The following SUCLG2 variants were observed in gnomAD, a reference collection of about 807,000 sequenced individuals.
SUCLG2 encodes succinate--CoA ligase [GDP-forming] subunit beta, mitochondrial.
In SUCLG2, 42 loss-of-function variants were observed where a neutral mutation model predicts 47.9. The ratio of observed to expected loss-of-function variants is 0.88; its 90% confidence interval spans 0.69 to 1.14. The LOEUF is 1.14. Ranked by LOEUF, SUCLG2 falls within the 50% of genes most tolerant of loss-of-function variation. SUCLG2 has a pLI of 0.00. For missense variants in SUCLG2, 571 were observed against 525.9 expected (o/e 1.09, Z -0.84); for synonymous variants, 195 against 197.3 (o/e 0.99, Z 0.10).
chr3:67,478,616 C>A (rs1056535996), intron 9 of SUCLG2, among the ~76,000 whole-genome samples: 1 of 152,182 alleles, frequency 6.6e-6, no homozygotes, highest in Non-Finnish European at 1.5e-5. Flanking sequence ...TAGTATCATA[C>A]GTCAAAGTTG....
intron 9 of SUCLG2, among the ~76,000 whole-genome samples, chr3:67,415,894 G>T (rs1254202181): frequency 6.6e-6 from 1 of 152,186 alleles, no homozygotes; most frequent in Non-Finnish European, 1.5e-5. Flanking sequence ...TTGAGACCAG[G>T]TTATGAAGGG....
intron 2 of SUCLG2, among the ~76,000 whole-genome samples, chr3:67,604,519 A>G (rs13322180): frequency 6.6e-6 from 1 of 152,212 alleles, no homozygotes; most frequent in South Asian, 2.1e-4. Context: ...ATGTTTTTTA[A>G]CTTTATCTTG....
chr3:67,532,364 G>A (rs1706426382), intron 2 of SUCLG2, among the ~76,000 whole-genome samples: 1 of 152,124 alleles, frequency 6.6e-6, no homozygotes, highest in South Asian at 2.1e-4. Context: ...TCAAACTCCT[G>A]AGCTCAGGCA....
intron 10 of SUCLG2, among the ~76,000 whole-genome samples, chr3:67,391,880 C>G (rs1702392074): frequency 6.6e-6 from 1 of 152,130 alleles, no homozygotes; most frequent in Non-Finnish European, 1.5e-5. Flanking sequence ...AATTTTCCAT[C>G]TTCTATTCTT....
intron 10 of SUCLG2, among the ~76,000 whole-genome samples, chr3:67,394,347 G>A (rs371036629): frequency 1.3e-5 from 2 of 151,304 alleles, no homozygotes; most frequent in Non-Finnish European, 2.9e-5. Flanking sequence ...GGAGCTGAAA[G>A]CCAAGGCTCG....
intron 2 of SUCLG2, among the ~76,000 whole-genome samples, chr3:67,530,356 T>C (rs754532912): frequency 2.0e-5 from 3 of 152,222 alleles, no homozygotes; most frequent in Admixed American, 6.5e-5. Context: ...TTAAAAACTA[T>C]TGCCTCGACC....
chr3:67,634,022 A>G lies in SUCLG2; in HGVS notation c.84+20481T>C, dbSNP rs57485648. Among the ~76,000 whole-genome samples the G allele has an allele frequency of 9.6e-3, 1,464 of 152,308 alleles. 32 individuals are homozygous for G. Among genetic ancestry groups the G allele is most frequent in the African/African-American group, 0.033 (1,390 of 41,558 alleles). The stretch of plus-strand genomic sequence containing the variant: ...ATAACCATGGTGTTCAGAAAACTAA[A>G]ATTTTCAGATGTGGTTGAATACAGA... On this transcript the variant is annotated intron_variant, in intron 1 of 10. Coordinates refer to ENST00000307227, the MANE Select transcript of SUCLG2 (RefSeq NM_003848.4).
chr3:67,614,549 G>A (rs990338140), intron 1 of SUCLG2, among the ~76,000 whole-genome samples: 1 of 151,614 alleles, frequency 6.6e-6, no homozygotes, highest in Non-Finnish European at 1.5e-5. Flanking sequence ...CAATCTTTCC[G>A]GCCCTTTGTT....
intron 10 of SUCLG2, among the ~76,000 whole-genome samples, chr3:67,398,792 C>G (rs1702612059): frequency 6.6e-6 from 1 of 152,078 alleles, no homozygotes; most frequent in Non-Finnish European, 1.5e-5. Flanking sequence ...CGATGATAGA[C>G]TGGATTAAGA....
At chr3:67,651,261 C>G (rs932179684) in intron 1 of SUCLG2, among the ~76,000 whole-genome samples, 1 of 152,206 alleles carries the variant, frequency 6.6e-6, no homozygotes, top group Non-Finnish European at 1.5e-5. Context: ...ACCTCCTTAG[C>G]AGACCCTGCA....
chr3:67,462,372 A>G (rs1704358257), intron 9 of SUCLG2, among the ~76,000 whole-genome samples: 1 of 152,172 alleles, frequency 6.6e-6, no homozygotes. Context: ...ATCTGTATAG[A>G]CAGGCCTTTC....
chr3:67,399,777 C>T (rs2106811701), intron 10 of SUCLG2, among the ~76,000 whole-genome samples: 1 of 152,254 alleles, frequency 6.6e-6, no homozygotes, highest in East Asian at 1.9e-4. Flanking sequence ...ATGAAAAGTT[C>T]ATCGAGATAG....
At chr3:67,640,371 A>G (rs931781527) in intron 1 of SUCLG2, among the ~76,000 whole-genome samples, 2 of 152,234 alleles carry the variant, frequency 1.3e-5, no homozygotes, top group Admixed American at 6.5e-5. Flanking sequence ...GAGTTTAGTA[A>G]GGAAACTGAG....
chr3:67,590,253 C>T (rs980295480), intron 2 of SUCLG2, among the ~76,000 whole-genome samples: 4 of 152,108 alleles, frequency 2.6e-5, no homozygotes, highest in African/African-American at 9.7e-5. Flanking sequence ...ATGTTCTTTC[C>T]CACATACCTC....
chr3:67,394,540 G>T (rs187943567), intron 10 of SUCLG2, among the ~76,000 whole-genome samples: 1 of 151,462 alleles, frequency 6.6e-6, no homozygotes, highest in African/African-American at 2.4e-5. Context: ...TCAAATCTAC[G>T]TCTCATTGGT....
Position 67,375,081 on chromosome 3 carries a change from G to A in SUCLG2, c.*663C>T. 1 of 985,730 alleles carries A rather than the reference G, an allele frequency of 1.0e-6. No homozygotes were observed. Among genetic ancestry groups the A allele is most frequent in the Non-Finnish European group, 1.2e-6 (1 of 829,874 alleles). 61.1% of individuals were successfully genotyped at this position (985,730 alleles called of 1,614,324 possible). On this transcript the variant is annotated 3_prime_UTR_variant, in exon 11 of 11. Coordinates refer to ENST00000307227, the MANE Select transcript of SUCLG2 (RefSeq NM_003848.4). ...TAAGGCTTCTGGTTTTCTTTTTAGT[G>A]TGAGGTAAACAGTATATTCAATATT...
At chr3:67,446,436 T>G (rs1703927769) in intron 9 of SUCLG2, among the ~76,000 whole-genome samples, 2 of 120,874 alleles carry the variant, frequency 1.7e-5, no homozygotes, top group African/African-American at 3.2e-5. Flanking sequence ...TTTTTTTTTT[T>G]TTTTTTTTTT....
At chr3:67,493,201 T>A (rs1157239503) in intron 9 of SUCLG2, among the ~76,000 whole-genome samples, 1 of 152,168 alleles carries the variant, frequency 6.6e-6, no homozygotes, top group Non-Finnish European at 1.5e-5. Context: ...ATCTATACTA[T>A]TTTTTAGGTT....
At chr3:67,361,040 T>C (rs933352892) in intron 10 of SUCLG2, among the ~76,000 whole-genome samples, 9 of 152,110 alleles carry the variant, frequency 5.9e-5, no homozygotes, top group African/African-American at 1.7e-4. Context: ...TACGTCCAGA[T>C]AGAAATAGCA....
Sources: gnomAD v4.1 joint callset for allele counts (sites outside exome capture counted in the v4.1 genomes callset) on GRCh38, gnomAD v4.1.1 for gene constraint, MANE v1.5 for transcripts, NCBI Gene and HGNC (gene_info 2026-07-23, HGNC 2026-07-21) for gene names.